The following MGST1 variants were observed in gnomAD, a reference collection of about 807,000 sequenced individuals.
MGST1 encodes microsomal glutathione S-transferase 1, also known as glutathione S-transferase 12.
MGST1 carries 5 observed loss-of-function variants against 8.9 expected under a neutral mutation model. That is an observed-to-expected ratio of 0.56 (90% confidence interval 0.29 to 1.19). MGST1 has a LOEUF of 1.19. Among genes scored for constraint, MGST1 ranks in the 50% most tolerant of loss-of-function variants. The pLI, the probability that MGST1 is intolerant of heterozygous loss-of-function variation, is 0.08. For synonymous variants in MGST1, 54 were observed against 67.8 expected, an observed-to-expected ratio of 0.80 and a Z score of 1.00; for missense variants, 182 against 187.4, an observed-to-expected ratio of 0.97 and a Z score of 0.17.
intron 4 of MGST1, among the ~76,000 whole-genome samples, chr12:16,477,403 A>G (rs1224845355): frequency 6.6e-6 from 1 of 152,210 alleles, no homozygotes; most frequent in Non-Finnish European, 1.5e-5. Flanking sequence ...AGCATGTTAA[A>G]TGCATGTGAT....
At chr12:16,386,407 A>C (rs901119820) in intron 1 of MGST1, among the ~76,000 whole-genome samples, 6 of 152,186 alleles carry the variant, frequency 3.9e-5, no homozygotes, top group Non-Finnish European at 7.3e-5. Context: ...TTTAGAGTGC[A>C]AGGGTATGGC....
At chr12:16,387,522 G>A (rs1940513897) in intron 1 of MGST1, among the ~76,000 whole-genome samples, 2 of 147,322 alleles carry the variant, frequency 1.4e-5, no homozygotes, top group South Asian at 2.2e-4. Context: ...GCCCTATACA[G>A]GTATACCATT....
chr12:16,538,936 A>G (rs1028594939), intron 4 of MGST1, among the ~76,000 whole-genome samples: 3 of 152,164 alleles, frequency 2.0e-5, no homozygotes, highest in African/African-American at 7.2e-5. Context: ...GGCAGTGGCA[A>G]GAGAAAACGA....
At chr12:16,551,931 G>A (rs1942004345) in intron 4 of MGST1, among the ~76,000 whole-genome samples, 1 of 151,850 alleles carries the variant, frequency 6.6e-6, no homozygotes, top group African/African-American at 2.4e-5. Flanking sequence ...CTTTGTTTGT[G>A]GCAAGTTCAC....
rs1375022210 is a variant in MGST1, at chr12:16,560,598, AAG to A, written n.483-28924_483-28923del. 78 of 1,475,062 alleles carry A rather than the reference AAG, an allele frequency of 5.3e-5. No homozygotes were observed. Among genetic ancestry groups the A allele is most frequent in the Non-Finnish European group, 6.4e-5 (68 of 1,067,058 alleles). 91.4% of individuals were successfully genotyped at this position (1,475,062 alleles called of 1,614,324 possible). On this transcript the variant is annotated intron_variant and non_coding_transcript_variant, in intron 4 of 4. Transcript: ENST00000538857. This position sits in a 1 kb window ranked among gnomAD's most constrained non-coding sequence, Gnocchi z 5.0. ...TCTTACAGAGAAATCTGAGATCGTGAAGAGAGATGATGTTAATATACTCTGTA... is the reference window on the plus strand; with the variant it reads ...TCTTACAGAGAAATCTGAGATCGTGAAGAGATGATGTTAATATACTCTGTA...
chr12:16,363,623 A>G lies in MGST1; in HGVS notation c.222-172A>G. On this transcript the variant is annotated intron_variant, in intron 3 of 3. Transcript: ENST00000396210. This position sits in a 1 kb window ranked among gnomAD's most constrained non-coding sequence, Gnocchi z 4.6. ...AAACAGAAATAATGAGAGATTCTAA[A>G]TAAAAGTCAAGTGGGCAAGGAAGCA... 4.2e-6 allele frequency: 2 copies of G among 475,920 alleles called. No individual in the cohort carries two copies. Among genetic ancestry groups the G allele is most frequent in the Non-Finnish European group, 7.0e-6 (2 of 285,658 alleles). The allele number at this position is 475,920 out of a possible 1,614,324, so 29.5% of individuals were successfully genotyped here. A position where few individuals can be genotyped will look rare whatever the true frequency, so the allele number is the denominator to read the frequency against.
Position 16,546,449 on chromosome 12 carries a change from C to G in MGST1, n.483-43079C>G, listed in dbSNP as rs945988112. Among the ~76,000 whole-genome samples the G allele has an allele frequency of 2.0e-5, 3 of 152,084 alleles. No homozygotes were observed. Among genetic ancestry groups the G allele is most frequent in the Admixed American group, 2.0e-4 (3 of 15,258 alleles). On this transcript the variant is annotated intron_variant and non_coding_transcript_variant, in intron 4 of 4. Coordinates refer to the MGST1 transcript ENST00000538857. This position sits in a 1 kb window ranked among gnomAD's most constrained non-coding sequence, Gnocchi z 4.7. Reference sequence around the variant, plus strand: ...GTAAAAAGTGCAGAGAATTCCAATTCACTTTTGAATGTAATGATCTGAACC... The same window carrying G: ...GTAAAAAGTGCAGAGAATTCCAATTGACTTTTGAATGTAATGATCTGAACC...
chr12:16,355,708 C>T (rs1429173383), intron 2 of MGST1, among the ~76,000 whole-genome samples: 1 of 152,114 alleles, frequency 6.6e-6, no homozygotes, highest in African/African-American at 2.4e-5. Context: ...TGCCGGGAGC[C>T]ACACGCTTTT....
intron 1 of MGST1, among the ~76,000 whole-genome samples, chr12:16,387,621 C>G (rs10846350): frequency 0.16 from 24,052 of 151,216 alleles, 3,840 homozygotes; most frequent in African/African-American, 0.39. Context: ...CCGCCTCCCA[C>G]GTTCACGCCA....
rs1041003008 is a variant in MGST1, at chr12:16,376,212, T to G, written c.*48T>G. On this transcript the variant is annotated 3_prime_UTR_variant, in exon 4 of 4. Transcript: ENST00000535309. ...TGCTGATGAAGAAGAAATGTTTCCT[T>G]GTAGAAGCAAACCAGTGAATAATTG... 1.9e-5 allele frequency: 15 copies of G among 788,760 alleles called. No homozygotes were observed. The Admixed American group carries it at 2.2e-4, about 11-fold the overall frequency. The allele number at this position is 788,760 out of a possible 1,614,324, so 48.9% of individuals were successfully genotyped here.
exon 4 of MGST1, chr12:16,376,185 AT>A (rs1206597678): frequency 2.1e-6 from 2 of 947,890 alleles, no homozygotes; most frequent in South Asian, 3.2e-5. Context: ...GGCATAACCA[AT>A]TGCTGATGAA....
At chr12:16,472,256 C>T (rs1348192873) in intron 4 of MGST1, among the ~76,000 whole-genome samples, 8 of 152,080 alleles carry the variant, frequency 5.3e-5, no homozygotes, top group African/African-American at 1.9e-4. Flanking sequence ...TTGTCTCCTT[C>T]ACAACCAGAA....
At position 16,410,416 on chromosome 12, in the gene MGST1, C is replaced by T. The variant is rs147684547; in HGVS notation, n.778+26812C>T. Among the ~76,000 whole-genome samples the T allele has an allele frequency of 7.7e-3, 1,166 of 152,076 alleles. 19 individuals carry two copies. The highest frequency in any genetic ancestry group is 0.026 in the African/African-American group (1,097 of 41,518). Reference sequence around the variant, plus strand: ...TTCCCACCAGTTCTCACCCGAATTGCTGCAATAGCCCGTCTGTGTTTTCTA... The same window carrying T: ...TTCCCACCAGTTCTCACCCGAATTGTTGCAATAGCCCGTCTGTGTTTTCTA... On this transcript the variant is annotated intron_variant and non_coding_transcript_variant, in intron 1 of 1. Transcript: ENST00000359720. This position sits in a 1 kb window ranked among gnomAD's most constrained non-coding sequence, Gnocchi z 4.4.
At chr12:16,418,053 G>T (rs1940801223) in intron 1 of MGST1, among the ~76,000 whole-genome samples, 1 of 152,054 alleles carries the variant, frequency 6.6e-6, no homozygotes, top group Non-Finnish European at 1.5e-5. Context: ...CTTGGTGGCT[G>T]ACTGCACATA....
At chr12:16,391,139 C>CTTTTTTTTTTT (rs71054812) in intron 1 of MGST1, among the ~76,000 whole-genome samples, 2 of 139,072 alleles carry the variant, frequency 1.4e-5, no homozygotes, top group Non-Finnish European at 1.6e-5. Context: ...TTGCCCACTT[C>CTTTTTTTTTTT]TTTTTTTTTT....
chr12:16,374,934 G>A (rs138260447), intron 3 of MGST1, among the ~76,000 whole-genome samples: 1 of 152,146 alleles, frequency 6.6e-6, no homozygotes, highest in Non-Finnish European at 1.5e-5. Flanking sequence ...ATGCTGAAGT[G>A]CAGTGGGACA....
chr12:16,452,320 C>T (rs1941135153), intron 4 of MGST1, among the ~76,000 whole-genome samples: 1 of 151,228 alleles, frequency 6.6e-6, no homozygotes, highest in South Asian at 2.1e-4. Flanking sequence ...AAGATTGCCA[C>T]ATCATATACT....
intron 3 of MGST1, chr12:16,360,356 C>T (rs1415880160): frequency 5.1e-6 from 5 of 984,912 alleles, no homozygotes; most frequent in Non-Finnish European, 6.0e-6. Flanking sequence ...AATGGGGCTA[C>T]AAATGAAGTG....
intron 4 of MGST1, among the ~76,000 whole-genome samples, chr12:16,528,256 A>G (rs867280668): frequency 1.3e-5 from 2 of 152,046 alleles, no homozygotes; most frequent in East Asian, 1.9e-4. Context: ...CCTGCTTTCC[A>G]TAGTGAAACA....
Sources: gnomAD v4.1 joint callset for allele counts (sites outside exome capture counted in the v4.1 genomes callset) on GRCh38, gnomAD v4.1.1 for gene constraint, Gnocchi (gnomAD v3.1) non-coding constraint, MANE v1.5 for transcripts, NCBI Gene and HGNC (gene_info 2026-07-23, HGNC 2026-07-21) for gene names.